Variants in NR6A1 observed in about 807,000 individuals in gnomAD.
The protein encoded by NR6A1 is retinoic acid receptor-related testis-associated receptor.
NR6A1 carries 7 observed loss-of-function variants against 59.1 expected under a neutral mutation model. That is an observed-to-expected ratio of 0.12 (90% CI 0.07 to 0.22). The LOEUF is 0.22. Ranked by LOEUF, NR6A1 falls within the 10% of genes least tolerant of loss-of-function variation. The pLI is 1.00. For missense variants in NR6A1, 468 were observed against 611.6 expected (o/e 0.77, Z 2.48); for synonymous variants, 243 against 236.1 (o/e 1.03, Z -0.27).
chr9:124,677,569 T>C (rs1838001975), intron 2 of NR6A1, among the ~76,000 whole-genome samples: 1 of 152,082 alleles, frequency 6.6e-6, no homozygotes, highest in South Asian at 2.1e-4. Context: ...AGCCTTATTT[T>C]ACCTTTTGAG....
intron 2 of NR6A1, among the ~76,000 whole-genome samples, chr9:124,703,180 C>CA (rs1839017085): frequency 6.7e-6 from 1 of 149,976 alleles, no homozygotes; most frequent in Non-Finnish European, 1.5e-5. Context: ...GCTGAGATTA[C>CA]AGGCGTGAGC....
intron 2 of NR6A1, among the ~76,000 whole-genome samples, chr9:124,632,889 G>T (rs1836488353): frequency 6.6e-6 from 1 of 152,138 alleles, no homozygotes; most frequent in African/African-American, 2.4e-5. Flanking sequence ...ATGGACCTCA[G>T]TTTTCCCATC....
At chr9:124,594,064 A>G (rs540466206) in intron 2 of NR6A1, among the ~76,000 whole-genome samples, 4 of 152,236 alleles carry the variant, frequency 2.6e-5, no homozygotes, top group Admixed American at 6.5e-5. Flanking sequence ...CAAGGGCCCA[A>G]TATCTAAAAC....
intron 2 of NR6A1, among the ~76,000 whole-genome samples, chr9:124,581,160 A>G (rs1357361686): frequency 6.6e-6 from 1 of 152,220 alleles, no homozygotes; most frequent in African/African-American, 2.4e-5. Flanking sequence ...TAAAAACCCT[A>G]GAAGAAAACC....
intron 3 of NR6A1, among the ~76,000 whole-genome samples, chr9:124,544,601 GAA>G (rs1211031396): frequency 2.6e-5 from 4 of 152,196 alleles, no homozygotes; most frequent in South Asian, 2.1e-4. Context: ...AGGCAGCCAG[GAA>G]AAGAGTGCTC....
At chr9:124,664,231 C>T (rs1427382554) in intron 2 of NR6A1, among the ~76,000 whole-genome samples, 1 of 152,140 alleles carries the variant, frequency 6.6e-6, no homozygotes, top group African/African-American at 2.4e-5. Context: ...GCTGGATATA[C>T]CACATAACCT....
At chr9:124,577,255 G>C (rs1374543633) in intron 2 of NR6A1, among the ~76,000 whole-genome samples, 2 of 152,084 alleles carry the variant, frequency 1.3e-5, no homozygotes, top group African/African-American at 4.8e-5. Context: ...CATCCTTTAG[G>C]AAAGTGTATG....
rs927890786 is a variant in NR6A1 at position 124,521,500 on chromosome 9, G to C, written c.*1205C>G. ...AGGAAAACTGGTCTCACTCTGGAGA[G>C]AAAAGGAGAACTTGGAGAAGAACTT... On this transcript the variant is annotated 3_prime_UTR_variant, in exon 10 of 10. Coordinates refer to ENST00000487099, the MANE Select transcript of NR6A1 (RefSeq NM_033334.4). 6.6e-6 allele frequency: 1 copy of C among 152,448 alleles called. No individual in the cohort carries two copies. 9.4% of individuals were successfully genotyped at this position (152,448 alleles called of 1,614,324 possible).
chr9:124,713,433 C>T (rs1839337488), intron 2 of NR6A1, among the ~76,000 whole-genome samples: 2 of 152,022 alleles, frequency 1.3e-5, no homozygotes, highest in Admixed American at 6.6e-5. Flanking sequence ...TGTGCATCGA[C>T]GGACACAACA....
At chr9:124,623,274 G>A (rs551281112) in intron 2 of NR6A1, among the ~76,000 whole-genome samples, 4 of 152,204 alleles carry the variant, frequency 2.6e-5, no homozygotes, top group East Asian at 1.9e-4. Flanking sequence ...AGGCCATTCA[G>A]GCAAGCAAAG....
intron 2 of NR6A1, among the ~76,000 whole-genome samples, chr9:124,612,692 G>T (rs1326784267): frequency 6.6e-6 from 1 of 152,164 alleles, no homozygotes; most frequent in African/African-American, 2.4e-5. Context: ...CCTTAAAAAT[G>T]ATCCAATTTC....
At chr9:124,743,795 T>C (rs1172500881) in intron 1 of NR6A1, among the ~76,000 whole-genome samples, 1 of 152,248 alleles carries the variant, frequency 6.6e-6, no homozygotes, top group Non-Finnish European at 1.5e-5. Context: ...GTCATTAGTG[T>C]TTCTATGGAA....
intron 2 of NR6A1, among the ~76,000 whole-genome samples, chr9:124,586,206 A>C (rs940803243): frequency 6.6e-6 from 1 of 152,224 alleles, no homozygotes; most frequent in African/African-American, 2.4e-5. Flanking sequence ...AGGAAAAGTA[A>C]TTTGAAAACC....
chr9:124,630,670 CTTTTTT>C (rs71372980), intron 2 of NR6A1, among the ~76,000 whole-genome samples: 16 of 59,522 alleles, frequency 2.7e-4, no homozygotes, highest in East Asian at 5.6e-4. Context: ...TACTACATTT[CTTTTTT>C]TTTTTTTTTT....
intron 7 of NR6A1, among the ~76,000 whole-genome samples, chr9:124,529,494 T>G (rs1326743185): frequency 2.6e-5 from 4 of 152,194 alleles, no homozygotes; most frequent in Admixed American, 2.0e-4. Flanking sequence ...GAAAAAGAGA[T>G]GGCTACCCCA....
intron 2 of NR6A1, among the ~76,000 whole-genome samples, chr9:124,662,610 C>T (rs781665297): frequency 3.9e-5 from 6 of 152,104 alleles, no homozygotes; most frequent in African/African-American, 9.7e-5. Flanking sequence ...CAGATAGATA[C>T]TATTCAAAAC....
At chr9:124,703,816 T>A (rs571030830) in intron 2 of NR6A1, among the ~76,000 whole-genome samples, 1 of 137,866 alleles carries the variant, frequency 7.3e-6, no homozygotes, top group South Asian at 2.5e-4. Context: ...AGGATTAGTA[T>A]TATTGCTTCC....
chr9:124,738,381 G>A (rs989656250), intron 1 of NR6A1, among the ~76,000 whole-genome samples: 23 of 152,094 alleles, frequency 1.5e-4, no homozygotes, highest in Non-Finnish European at 2.6e-4. Context: ...GAGAAATCCA[G>A]GAAATTTTCT....
chr9:124,545,967 T>G (rs1375481027), intron 3 of NR6A1, among the ~76,000 whole-genome samples: 1 of 152,014 alleles, frequency 6.6e-6, no homozygotes, highest in African/African-American at 2.4e-5. Context: ...AATTCAAAAT[T>G]AGCCGGGCGT....
Sources: allele counts gnomAD v4.1 joint callset (sites outside exome capture counted in the v4.1 genomes callset), GRCh38; gene constraint gnomAD v4.1.1; transcripts MANE v1.5; gene names NCBI Gene and HGNC (gene_info 2026-07-23, HGNC 2026-07-21).